PGGT1B: variants seen among roughly 807,000 people sequenced by gnomAD.
The protein encoded by PGGT1B is geranylgeranyl transferase type-1 subunit beta.
In PGGT1B, 30 loss-of-function variants were observed where a neutral mutation model predicts 46.1. The observed-to-expected ratio is 0.65, with a 90% CI of 0.49 to 0.88. The LOEUF (loss-of-function observed/expected upper bound fraction) is 0.88. Ranked by LOEUF, PGGT1B falls within the 40% of genes least tolerant of loss-of-function variation. The probability of loss-of-function intolerance (pLI) is 0.00; values close to 1 mark genes in which losing one functional copy is unlikely to be tolerated. For missense variants in PGGT1B, 376 were observed against 455.9 expected (o/e 0.82, Z 1.60); for synonymous variants, 170 against 160.0 (o/e 1.06, Z -0.47).
intron 3 of PGGT1B, among the ~76,000 whole-genome samples, chr5:115,239,534 T>C (rs970861234): frequency 8.5e-5 from 13 of 152,244 alleles, no homozygotes; most frequent in South Asian, 2.1e-4. Context: ...ATACCTGCTA[T>C]GTTAAAACAA....
chr5:115,240,915 A>C (rs909303437), intron 3 of PGGT1B, among the ~76,000 whole-genome samples: 1 of 152,282 alleles, frequency 6.6e-6, no homozygotes, highest in African/African-American at 2.4e-5. Context: ...ACACCTACAA[A>C]GTTTCTTCTG....
intron 2 of PGGT1B, among the ~76,000 whole-genome samples, chr5:115,242,132 C>T (rs1034923400): frequency 2.6e-5 from 4 of 152,288 alleles, no homozygotes; most frequent in Middle Eastern, 3.4e-3. Context: ...GCTAGACCTT[C>T]GTTCTGAGTC....
At position 115,211,598 on chromosome 5, in the gene PGGT1B, C is replaced by CAAA. The variant is rs34207751; in HGVS notation, c.*801_*803dup. 6.9e-5 allele frequency: 5 copies of CAAA among 72,868 alleles called. No individual in the cohort carries two copies. Among genetic ancestry groups the CAAA allele is most frequent in the South Asian group, 5.5e-4 (1 of 1,826 alleles). 4.5% of individuals were successfully genotyped at this position (72,868 alleles called of 1,614,324 possible). On this transcript the variant is annotated 3_prime_UTR_variant, in exon 9 of 9. Coordinates refer to ENST00000419445, the MANE Select transcript of PGGT1B (RefSeq NM_005023.4). Reference sequence around the variant, plus strand: ...AAAAGATTGTTTTCTTCCTAGAAAGCAAAAAAAAAAAAAAAAAAAAAAAGG... The same window carrying CAAA: ...AAAAGATTGTTTTCTTCCTAGAAAGCAAAAAAAAAAAAAAAAAAAAAAAAAAGG...
At chr5:115,256,712 G>T (rs1025202545) in intron 1 of PGGT1B, among the ~76,000 whole-genome samples, 1 of 152,044 alleles carries the variant, frequency 6.6e-6, no homozygotes, top group Admixed American at 6.6e-5. Context: ...GAAAGAGAGA[G>T]AATTAAAACA....
At chr5:115,256,154 A>G (rs1234162643) in intron 1 of PGGT1B, among the ~76,000 whole-genome samples, 1 of 152,176 alleles carries the variant, frequency 6.6e-6, no homozygotes, top group Admixed American at 6.5e-5. Flanking sequence ...ATAATCAAAC[A>G]TTCTTGGTTG....
intron 6 of PGGT1B, among the ~76,000 whole-genome samples, chr5:115,227,419 G>A (rs1206344029): frequency 1.3e-5 from 2 of 152,142 alleles, no homozygotes; most frequent in Non-Finnish European, 2.9e-5. Context: ...AGCAACAAAG[G>A]CAGTGATGCT....
intron 1 of PGGT1B, among the ~76,000 whole-genome samples, chr5:115,259,685 CAA>C (rs917531364): frequency 4.4e-4 from 13 of 29,466 alleles, no homozygotes; most frequent in East Asian, 9.7e-4. Flanking sequence ...GAGACTGTCT[CAA>C]AAAAAAAAAA....
chr5:115,221,780 T>C (rs1756596869), intron 7 of PGGT1B, 44 bp downstream of exon 7: 1 of 1,261,432 alleles, frequency 7.9e-7, no homozygotes, highest in Non-Finnish European at 1.1e-6. Context: ...ACAATCTATA[T>C]GAACACAGAA....
In PGGT1B at chr5:115,241,615, T is replaced by C; in HGVS notation, c.260-9A>G. Reference sequence around the variant, plus strand: ...GCGATTTAGATTTGATCCTAGAAAATAAAAGCATGTGCTTATTTAAAGTAC... The same window carrying C: ...GCGATTTAGATTTGATCCTAGAAAACAAAAGCATGTGCTTATTTAAAGTAC... On this transcript the variant is annotated splice_polypyrimidine_tract_variant and intron_variant, in intron 2 of 8. Transcript: ENST00000419445. The C allele has an allele frequency of 6.3e-7, 1 of 1,598,516 alleles. No individual in the cohort carries two copies. The highest frequency in any genetic ancestry group is 8.5e-7 in the Non-Finnish European group (1 of 1,170,082).
At chr5:115,241,713 T>G in intron 2 of PGGT1B, 107 bp from the exon 3 acceptor site, 1 of 703,586 alleles carries the variant, frequency 1.4e-6, no homozygotes, top group Non-Finnish European at 2.3e-6. Flanking sequence ...TTAGTCTCCA[T>G]TTTCATACTG....
chr5:115,259,685 CAAAAAAA>C (rs917531364), intron 1 of PGGT1B, among the ~76,000 whole-genome samples: 6 of 29,476 alleles, frequency 2.0e-4, no homozygotes, highest in Admixed American at 3.8e-4. Context: ...GAGACTGTCT[CAAAAAAA>C]AAAAAAAAAA....
chr5:115,227,866 C>T (rs953793001), intron 6 of PGGT1B, among the ~76,000 whole-genome samples: 2 of 152,096 alleles, frequency 1.3e-5, no homozygotes, highest in African/African-American at 4.8e-5. Context: ...TGGTAGTGGG[C>T]AAACAGCAGC....
intron 5 of PGGT1B, among the ~76,000 whole-genome samples, chr5:115,235,842 C>T (rs265441): frequency 0.14 from 21,538 of 151,940 alleles, 2,297 homozygotes; most frequent in African/African-American, 0.3. Context: ...AATTAACAGC[C>T]TAAAATATTC....
At position 115,206,310 on chromosome 5, in the gene PGGT1B, T is replaced by A. The variant is rs1756061779; in HGVS notation, c.*6092A>T. 6.6e-6 allele frequency: 1 copy of A among 151,936 alleles called. No individual in the cohort carries two copies. The highest frequency in any genetic ancestry group is 2.4e-5 in the African/African-American group (1 of 41,428). The allele number at this position is 151,936 out of a possible 1,614,324, so 9.4% of individuals were successfully genotyped here. A position where few individuals can be genotyped will look rare whatever the true frequency, so the allele number is the denominator to read the frequency against. ...GCTGTGGGTATAGTATAGGCTGGGA[T>A]GGGGAGAGAACTATCATTTTTCTTT... On this transcript the variant is annotated 3_prime_UTR_variant, in exon 9 of 9. Coordinates refer to ENST00000419445, the MANE Select transcript of PGGT1B (RefSeq NM_005023.4).
At chr5:115,232,230 C>T (rs996178027) in intron 5 of PGGT1B, among the ~76,000 whole-genome samples, 1 of 151,842 alleles carries the variant, frequency 6.6e-6, no homozygotes, top group Non-Finnish European at 1.5e-5. Flanking sequence ...AGGTATACCA[C>T]CAGAAGAACT....
intron 2 of PGGT1B, among the ~76,000 whole-genome samples, chr5:115,245,674 G>C (rs915806459): frequency 6.6e-6 from 1 of 152,274 alleles, no homozygotes; most frequent in East Asian, 1.9e-4. Context: ...GAAATGAATA[G>C]CTTTTGTTGC....
intron 5 of PGGT1B, among the ~76,000 whole-genome samples, chr5:115,232,715 T>C (rs1013639219): frequency 2.6e-5 from 4 of 152,030 alleles, no homozygotes; most frequent in African/African-American, 4.8e-5. Context: ...GTTATCATTA[T>C]AGTATGGCAC....
chr5:115,215,546 C>A (rs1335074333), intron 8 of PGGT1B, among the ~76,000 whole-genome samples: 2 of 152,106 alleles, frequency 1.3e-5, no homozygotes, highest in African/African-American at 4.8e-5. Context: ...GATCCGCCCA[C>A]CTCAGCCTCC....
chr5:115,227,173 G>T (rs1053808033), intron 6 of PGGT1B, among the ~76,000 whole-genome samples: 1 of 152,094 alleles, frequency 6.6e-6, no homozygotes, highest in Non-Finnish European at 1.5e-5. Flanking sequence ...GCAAGCACAG[G>T]GTTTTAAAGT....
Sources: gnomAD v4.1 joint callset for allele counts (sites outside exome capture counted in the v4.1 genomes callset) on GRCh38, gnomAD v4.1.1 for gene constraint, MANE v1.5 for transcripts, NCBI Gene and HGNC (gene_info 2026-07-23, HGNC 2026-07-21) for gene names.